Variants in GRK5 observed in about 807,000 individuals in gnomAD.
GRK5 encodes the protein g protein-coupled receptor kinase GRK5.
Under a neutral mutation model 78.4 loss-of-function variants are expected in GRK5, and 40 were observed. That is an observed-to-expected ratio of 0.51 (90% confidence interval 0.40 to 0.66). The LOEUF (loss-of-function observed/expected upper bound fraction) is 0.66. GRK5 is among the 30% of genes least tolerant of loss of function. The pLI is 0.00. For missense variants in GRK5, 598 were observed against 759.9 expected, an observed-to-expected ratio of 0.79 and a Z score of 2.50; for synonymous variants, 289 against 296.8, an observed-to-expected ratio of 0.97 and a Z score of 0.27.
At chr10:119,301,613 G>A (rs570017442) in intron 1 of GRK5, among the ~76,000 whole-genome samples, 5 of 152,294 alleles carry the variant, frequency 3.3e-5, no homozygotes, top group South Asian at 2.1e-4. Context: ...TTCTAGGAGC[G>A]TCTTGTCCTC....
chr10:119,207,778 A>C lies in GRK5; in HGVS notation c.-140A>C. On this transcript the variant is annotated 5_prime_UTR_variant, in exon 1 of 16. Transcript: ENST00000392870. ...AAACTCTTGGGCTGAGAGCAGGAAT[A>C]ATGCGGTAGGCAAGGCGGGCTGCTG... 1.3e-6 allele frequency: 1 copy of C among 775,420 alleles called. No homozygotes were observed. The highest frequency in any genetic ancestry group is 2.0e-6 in the Non-Finnish European group (1 of 496,928). 48.0% of individuals were successfully genotyped at this position (775,420 alleles called of 1,614,324 possible).
intron 1 of GRK5, among the ~76,000 whole-genome samples, chr10:119,292,010 TCTC>T (rs1564879558): frequency 1.8e-4 from 5 of 28,088 alleles, no homozygotes; most frequent in East Asian, 1.8e-3. Context: ...TCTTCCTCCT[TCTC>T]CTCCTCTTCC....
In GRK5 at chr10:119,347,729, C is replaced by G. The variant is rs539629175; in HGVS notation, c.148+21118C>G. On this transcript the variant is annotated intron_variant, in intron 2 of 15. Coordinates refer to ENST00000392870, the MANE Select transcript of GRK5 (RefSeq NM_005308.3). ...GGCCTGGTTCCCGGCCCCCGCACAT[C>G]GTGCATGAGAAGCATGGCCCTTGCT... 3.3e-5 allele frequency among the ~76,000 whole-genome samples: 5 copies of G among 152,378 alleles called. No homozygotes were observed. In the East Asian group the frequency reaches 5.8e-4, roughly 18 times the overall value.
intron 1 of GRK5, among the ~76,000 whole-genome samples, chr10:119,285,463 A>G (rs1849832740): frequency 6.6e-6 from 1 of 152,166 alleles, no homozygotes; most frequent in Non-Finnish European, 1.5e-5. Context: ...AAAGCAAATC[A>G]GGGTTTGTAA....
Position 119,326,411 on chromosome 10 carries a change from C to T in GRK5, c.53-105C>T, listed in dbSNP as rs778295658. On this transcript the variant is annotated intron_variant, in intron 1 of 15. Coordinates refer to ENST00000392870, the MANE Select transcript of GRK5 (RefSeq NM_005308.3). ...GGTGTGTCACTGGCTTGGCCTACAG[C>T]CCGTCCCTCTGTCTCTCAGCCCAGG... 3.7e-5 allele frequency: 31 copies of T among 843,580 alleles called. 1 individual carries two copies. The highest frequency in any genetic ancestry group is 5.4e-5 in the Non-Finnish European group (28 of 513,776). 52.3% of individuals were successfully genotyped at this position (843,580 alleles called of 1,614,324 possible).
rs1853129027 is a variant in GRK5, at chr10:119,445,567, G to C, written c.1266+1815G>C. On this transcript the variant is annotated intron_variant, in intron 12 of 15. Transcript: ENST00000392870. The surrounding 1 kb of genome is among the most constrained non-coding windows in gnomAD (Gnocchi z 4.1). ...AAAGCCTGCTGCTCCCGGAGGACCTGTCCCGTGGGTACAAAACCACTGTCC... is the reference window on the plus strand; with the variant it reads ...AAAGCCTGCTGCTCCCGGAGGACCTCTCCCGTGGGTACAAAACCACTGTCC... Among the ~76,000 whole-genome samples, 1 of 152,176 alleles carries C rather than the reference G, an allele frequency of 6.6e-6. No homozygotes were observed.
chr10:119,364,158 G>A (rs1406434801), intron 2 of GRK5, among the ~76,000 whole-genome samples: 1 of 152,184 alleles, frequency 6.6e-6, no homozygotes, highest in Non-Finnish European at 1.5e-5. Context: ...TTAAAGAAAG[G>A]GAGGGAGAGG....
intron 1 of GRK5, among the ~76,000 whole-genome samples, chr10:119,275,194 T>C (rs980507706): frequency 1.3e-5 from 2 of 152,162 alleles, no homozygotes; most frequent in Non-Finnish European, 2.9e-5. Context: ...GTGAAGTTCC[T>C]GACTGTGAGG....
intron 1 of GRK5, among the ~76,000 whole-genome samples, chr10:119,317,553 C>T (rs189997886): frequency 2.4e-4 from 36 of 152,232 alleles, no homozygotes; most frequent in African/African-American, 7.5e-4. Flanking sequence ...TTAGGCTTTC[C>T]GGTATAGGAG....
chr10:119,221,016 T>C (rs148929943), intron 1 of GRK5, among the ~76,000 whole-genome samples: 3,018 of 150,834 alleles, frequency 0.02, 65 homozygotes, highest in South Asian at 0.061. Flanking sequence ...ATTAGCCTGG[T>C]GTGATGGCAT....
intron 1 of GRK5, among the ~76,000 whole-genome samples, chr10:119,282,538 G>A (rs550171600): frequency 1.3e-5 from 2 of 152,354 alleles, no homozygotes; most frequent in East Asian, 1.9e-4. Context: ...GTCGGGTTCC[G>A]GCTGGGGCAG....
At chr10:119,239,321 G>A (rs1260768695) in intron 1 of GRK5, among the ~76,000 whole-genome samples, 2 of 150,312 alleles carry the variant, frequency 1.3e-5, no homozygotes, top group Non-Finnish European at 3.0e-5. Context: ...TGCAACCTCC[G>A]CCTCCCGGTT....
chr10:119,276,262 C>A (rs945513857), intron 1 of GRK5, among the ~76,000 whole-genome samples: 6 of 152,120 alleles, frequency 3.9e-5, no homozygotes, highest in African/African-American at 1.4e-4. Flanking sequence ...TGCTATCCCT[C>A]CCCCCTCCTC....
rs35213335 is a variant in GRK5, at chr10:119,332,107, A to ATT, written c.148+5512_148+5513dup. On this transcript the variant is annotated intron_variant, in intron 2 of 15. Transcript: ENST00000392870. ...GGGTCTAATAGCTATTGTAATTTTG[A>ATT]TTTTTTTTTTTTTTTTTGCCTCAGA... 1.4e-3 allele frequency among the ~76,000 whole-genome samples: 180 copies of ATT among 131,806 alleles called. 1 individual carries two copies. The highest frequency in any genetic ancestry group is 4.3e-3 in the African/African-American group (151 of 35,496). 86.5% of individuals were successfully genotyped at this position (131,806 alleles called of 152,430 possible).
At chr10:119,266,673 A>T (rs1026699229) in intron 1 of GRK5, among the ~76,000 whole-genome samples, 1 of 140,378 alleles carries the variant, frequency 7.1e-6, no homozygotes, top group African/African-American at 2.7e-5. Context: ...TTCTTCATGG[A>T]GTCAAGGAGG....
At position 119,452,322 on chromosome 10, in the gene GRK5, G is replaced by A; in HGVS notation, c.1405-349G>A. 3.6e-6 allele frequency: 1 copy of A among 276,198 alleles called. No individual in the cohort carries two copies. Among genetic ancestry groups the A allele is most frequent in the Non-Finnish European group, 7.0e-6 (1 of 143,354 alleles). The allele number at this position is 276,198 out of a possible 1,614,324, so 17.1% of individuals were successfully genotyped here. On this transcript the variant is annotated intron_variant, in intron 13 of 15. Coordinates refer to ENST00000392870, the MANE Select transcript of GRK5 (RefSeq NM_005308.3). This position sits in a 1 kb window ranked among gnomAD's most constrained non-coding sequence, Gnocchi z 4.4. Reference sequence around the variant, plus strand: ...AGTATGGGTAAGGGAGTGATGGCAGGAATGAGCCCTGGGCTGGGCACCCAG... The same window carrying A: ...AGTATGGGTAAGGGAGTGATGGCAGAAATGAGCCCTGGGCTGGGCACCCAG...
At chr10:119,207,990 G>A in intron 1 of GRK5, 21 bp downstream of exon 1, 3 of 1,598,972 alleles carry the variant, frequency 1.9e-6, no homozygotes, top group South Asian at 1.1e-5. Flanking sequence ...GGGCCGGTAC[G>A]TGCCCGGCGC....
intron 4 of GRK5, among the ~76,000 whole-genome samples, chr10:119,403,551 A>G (rs901216288): frequency 6.6e-6 from 1 of 152,160 alleles, no homozygotes; most frequent in Non-Finnish European, 1.5e-5. Context: ...TGGCTGAATG[A>G]TATTCCATTG....
chr10:119,358,042 G>T (rs1344296730), intron 2 of GRK5, among the ~76,000 whole-genome samples: 1 of 152,218 alleles, frequency 6.6e-6, no homozygotes, highest in Non-Finnish European at 1.5e-5. Context: ...GTGAGCCTTG[G>T]ATGGAATCAC....
Sources: allele counts gnomAD v4.1 joint callset (sites outside exome capture counted in the v4.1 genomes callset), GRCh38; gene constraint gnomAD v4.1.1; non-coding constraint Gnocchi (gnomAD v3.1); transcripts MANE v1.5; gene names NCBI Gene and HGNC (gene_info 2026-07-23, HGNC 2026-07-21).